The following HKDC1 variants were observed in gnomAD, a reference collection of about 807,000 sequenced individuals.
HKDC1 encodes hexokinase HKDC1.
Under a neutral mutation model 96.6 loss-of-function variants are expected in HKDC1, and 66 were observed. That is an observed-to-expected ratio of 0.68 (90% CI 0.56 to 0.84). The LOEUF (loss-of-function observed/expected upper bound fraction) is 0.84, where lower values mean the gene tolerates loss of function less well. Ranked by LOEUF, HKDC1 falls within the 40% of genes least tolerant of loss-of-function variation. The probability of loss-of-function intolerance (pLI) is 0.00; values close to 1 mark genes in which losing one functional copy is unlikely to be tolerated. For synonymous variants in HKDC1, 466 were observed against 473.1 expected (o/e 0.98, Z 0.20); for missense variants, 1,211 against 1,208.1 (o/e 1.00, Z -0.04).
intron 1 of HKDC1, among the ~76,000 whole-genome samples, chr10:69,220,903 A>G (rs1183832914): frequency 6.6e-6 from 1 of 152,320 alleles, no homozygotes; most frequent in African/African-American, 2.4e-5. Context: ...TAATCCTAGC[A>G]CTTTAGGAGG....
intron 5 of HKDC1, 59 bp from the exon 6 acceptor site, chr10:69,240,593 G>C: frequency 7.2e-7 from 1 of 1,394,518 alleles, no homozygotes; most frequent in Middle Eastern, 2.2e-4. Context: ...CTGTGGGGAA[G>C]GAGGGAGGGA....
rs751406817 is a variant in HKDC1, at chr10:69,233,081, T to C, written c.443T>C (p.Leu148Ser). ...ACCAAAGATTTAAAGCATAAGAAAT[T>C]GCCCCTTGGCCTAACTTTTTCTTTC... ...MKTKDLKHKK[L>S]PLGLTFSFPC... Residue 148 changes from leucine to serine, a missense_variant, in exon 4 of 18, where the codon TTG (leucine) becomes TCG (serine). Leu to Ser is a moderately radical substitution (Grantham distance 145). Coordinates refer to ENST00000354624, the MANE Select transcript of HKDC1 (RefSeq NM_025130.4). The C allele has an allele frequency of 6.2e-7, 1 of 1,614,214 alleles. No homozygotes were observed. The highest frequency in any genetic ancestry group is 1.1e-5 in the South Asian group (1 of 91,090).
At chr10:69,241,969 G>A (rs567966676) in intron 6 of HKDC1, among the ~76,000 whole-genome samples, 8 of 152,318 alleles carry the variant, frequency 5.3e-5, no homozygotes, top group East Asian at 1.9e-4. Context: ...ACACCAGAGC[G>A]AGGGGGTCAG....
intron 5 of HKDC1, among the ~76,000 whole-genome samples, chr10:69,240,373 A>G (rs72814224): frequency 0.19 from 28,755 of 152,060 alleles, 2,839 homozygotes; most frequent in Middle Eastern, 0.25. Flanking sequence ...ACAACAAAAA[A>G]CAAGGGCTGG....
Position 69,240,573 on chromosome 10 carries a change from C to T in HKDC1, c.592-79C>T, listed in dbSNP as rs565214207. 9.2e-6 allele frequency: 11 copies of T among 1,198,920 alleles called. No individual in the cohort carries two copies. The East Asian group carries it at 2.6e-4, about 28-fold the overall frequency. The allele number at this position is 1,198,920 out of a possible 1,614,324, so 74.3% of individuals were successfully genotyped here. On this transcript the variant is annotated intron_variant, in intron 5 of 17. Transcript: ENST00000354624. ...GATGTCTCAGCAGCCACCTTCACTACCTGCTGCCTCTGTGGGGAAGGAGGG... is the reference window on the plus strand; with the variant it reads ...GATGTCTCAGCAGCCACCTTCACTATCTGCTGCCTCTGTGGGGAAGGAGGG...
chr10:69,250,256 T>C, intron 10 of HKDC1, 34 bp from the exon 11 acceptor site: 1 of 1,598,074 alleles, frequency 6.3e-7, no homozygotes, highest in South Asian at 1.1e-5. Flanking sequence ...CAAGTCCCTG[T>C]CATGGAATGC....
Position 69,220,479 on chromosome 10 carries a change from A to T in HKDC1, c.44A>T (p.Lys15Met). ...HLMAFYFSKL[K>M]EDQIKKVDRF... is the part of the protein sequence containing the mutation. ...ATGGCATTTTACTTCAGCAAGCTGA[A>T]GGAGGACCAGATCAAGAAGGTAAGG... Residue 15 changes from lysine to methionine, a missense_variant, in exon 1 of 18, where the codon AAG becomes ATG. Transcript: ENST00000354624. 4.4e-6 allele frequency: 7 copies of T among 1,601,408 alleles called. No homozygotes were observed. Among genetic ancestry groups the T allele is most frequent in the Non-Finnish European group, 6.0e-6 (7 of 1,174,594 alleles).
chr10:69,243,193 A>G lies in HKDC1; in HGVS notation c.703A>G (p.Asn235Asp). 6.2e-7 allele frequency: 1 copy of G among 1,614,262 alleles called. No homozygotes were observed. The change falls in exon 7 of 18, where the codon AAT (asparagine) becomes GAT (aspartate). Residue 235 changes from asparagine to aspartate, a missense_variant. Physicochemically the swap from Asn to Asp is conservative, Grantham distance 23. Coordinates refer to ENST00000354624, the MANE Select transcript of HKDC1 (RefSeq NM_025130.4). ...EVGVIIGTGTNACYMEDMSNI... is the reference protein window; with the variant it reads ...EVGVIIGTGTDACYMEDMSNI... ...GATCCCTGGTTCAGGAACTGGCACCAATGCGTGTTACATGGAGGACATGAG... is the reference window on the plus strand; with the variant it reads ...GATCCCTGGTTCAGGAACTGGCACCGATGCGTGTTACATGGAGGACATGAG...
intron 1 of HKDC1, among the ~76,000 whole-genome samples, chr10:69,220,900 A>G (rs1443474737): frequency 1.3e-5 from 2 of 152,232 alleles, no homozygotes; most frequent in Admixed American, 6.5e-5. Context: ...CTGTAATCCT[A>G]GCACTTTAGG....
chr10:69,263,197 T>TC (rs1843836809), intron 16 of HKDC1, among the ~76,000 whole-genome samples: 1 of 152,024 alleles, frequency 6.6e-6, no homozygotes, highest in African/African-American at 2.4e-5. Flanking sequence ...CCACCACTGC[T>TC]CCTCTCCCCT....
chr10:69,265,900 G>T, intron 17 of HKDC1, 82 bp downstream of exon 17: 1 of 982,734 alleles, frequency 1.0e-6, no homozygotes. Context: ...CTCCTGAACT[G>T]CGGCATGGGA....
At chr10:69,232,959 CGT>C (rs765942376) in intron 3 of HKDC1, 47 bp downstream of exon 3, 4 of 1,612,198 alleles carry the variant, frequency 2.5e-6, no homozygotes, top group African/African-American at 2.7e-5. Context: ...CGGTGGCATC[CGT>C]GTGTGGGGAA....
intron 11 of HKDC1, 36 bp from the exon 12 acceptor site, chr10:69,250,497 C>G: frequency 1.2e-6 from 2 of 1,613,588 alleles, no homozygotes; most frequent in Non-Finnish European, 8.5e-7. Flanking sequence ...CATCGATGTC[C>G]GCCTGGTGTG....
intron 12 of HKDC1, among the ~76,000 whole-genome samples, chr10:69,254,511 G>T (rs1305490040): frequency 6.6e-6 from 1 of 152,004 alleles, no homozygotes; most frequent in Admixed American, 6.6e-5. Flanking sequence ...TGATTCCCTA[G>T]TCCTCCTTCC....
rs762456244 is a variant in HKDC1 at position 69,243,185 on chromosome 10, C to T, written c.695C>T (p.Thr232Ile). ...PYCEVGVIIGTGTNACYMEDM... is the reference protein window; with the variant it reads ...PYCEVGVIIGIGTNACYMEDM... ...TTCTCTCTGATCCCTGGTTCAGGAA[C>T]TGGCACCAATGCGTGTTACATGGAG... is the stretch of plus-strand genomic sequence containing the variant. The change falls in exon 7 of 18, where the codon ACT becomes ATT. Residue 232 changes from threonine (T) to isoleucine (I), a missense_variant. By Grantham distance (89) the Thr-to-Ile change is moderately conservative (BLOSUM62 -1). Transcript: ENST00000354624. 3.1e-6 allele frequency: 5 copies of T among 1,614,094 alleles called. No individual in the cohort carries two copies. The highest frequency in any genetic ancestry group is 3.3e-5 in the Admixed American group (2 of 60,014).
intron 12 of HKDC1, among the ~76,000 whole-genome samples, chr10:69,251,011 T>G (rs1454835633): frequency 6.6e-6 from 1 of 151,910 alleles, no homozygotes; most frequent in Non-Finnish European, 1.5e-5. Flanking sequence ...TGGACAGCCA[T>G]GTAAACAGGG....
chr10:69,248,657 A>G lies in HKDC1; in HGVS notation c.1499A>G (p.Lys500Arg). 6.2e-7 allele frequency: 1 copy of G among 1,614,018 alleles called. No individual in the cohort carries two copies. Among genetic ancestry groups the G allele is most frequent in the Non-Finnish European group, 8.5e-7 (1 of 1,179,904 alleles). ...KMRAELEYGLKKKSHGLATVR... is the reference protein window; with the variant it reads ...KMRAELEYGLRKKSHGLATVR... Reference sequence around the variant, plus strand: ...CGGGCTGAGCTGGAGTATGGGCTGAAGAAGAAGAGCCACGGGCTGGCCACG... The same window carrying G: ...CGGGCTGAGCTGGAGTATGGGCTGAGGAAGAAGAGCCACGGGCTGGCCACG... Residue 500 changes from lysine (K) to arginine (R), a missense_variant, in exon 10 of 18, where the codon AAG (lysine) becomes AGG (arginine). Physicochemically the swap from Lys to Arg is conservative, Grantham distance 26 (BLOSUM62 2). Coordinates refer to ENST00000354624, the MANE Select transcript of HKDC1 (RefSeq NM_025130.4).
chr10:69,228,524 A>G (rs1843198087), intron 2 of HKDC1, among the ~76,000 whole-genome samples: 1 of 152,180 alleles, frequency 6.6e-6, no homozygotes, highest in Non-Finnish European at 1.5e-5. Context: ...ATGAGGTCCC[A>G]TCCAACTCTT....
Position 69,247,738 on chromosome 10 carries a change from C to T in HKDC1, c.1265+145C>T, listed in dbSNP as rs888645170. The T allele has an allele frequency of 9.0e-6, 6 of 665,514 alleles. No individual in the cohort carries two copies. The African/African-American group carries it at 1.1e-4, about 12-fold the overall frequency. 41.2% of individuals were successfully genotyped at this position (665,514 alleles called of 1,614,324 possible). ...TGAGATTACAAGGGAAAAGGTGAATCCAGGGCCTGCATTCATCTAGCTGGC... is the reference window on the plus strand; with the variant it reads ...TGAGATTACAAGGGAAAAGGTGAATTCAGGGCCTGCATTCATCTAGCTGGC... On this transcript the variant is annotated intron_variant, in intron 9 of 17. Coordinates refer to ENST00000354624, the MANE Select transcript of HKDC1 (RefSeq NM_025130.4).
Sources: gnomAD v4.1 joint callset for allele counts (sites outside exome capture counted in the v4.1 genomes callset) on GRCh38, gnomAD v4.1.1 for gene constraint, MANE v1.5 for transcripts, NCBI Gene and HGNC (gene_info 2026-07-23, HGNC 2026-07-21) for gene names.